The following FNDC3B variants were observed in gnomAD, a reference collection of about 807,000 sequenced individuals.
FNDC3B encodes fibronectin type III domain-containing protein 3B.
FNDC3B carries 12 observed loss-of-function variants against 151.5 expected under a neutral mutation model. That is an observed-to-expected ratio of 0.08 (90% confidence interval 0.05 to 0.13). The LOEUF (loss-of-function observed/expected upper bound fraction) is 0.13, where lower values mean the gene tolerates loss of function less well. Among genes scored for constraint, FNDC3B ranks in the 10% least tolerant of loss-of-function variants. The pLI, the probability that FNDC3B is intolerant of heterozygous loss-of-function variation, is 1.00. For synonymous variants in FNDC3B, 528 were observed against 549.0 expected (o/e 0.96, Z 0.54); for missense variants, 1,214 against 1,505.3 (o/e 0.81, Z 3.20).
chr3:172,300,361 A>G (rs1730843767), intron 9 of FNDC3B, among the ~76,000 whole-genome samples: 1 of 152,234 alleles, frequency 6.6e-6, no homozygotes, highest in Admixed American at 6.5e-5. Flanking sequence ...GGTTTACTTT[A>G]TTAATTTCCT....
intron 7 of FNDC3B, among the ~76,000 whole-genome samples, chr3:172,293,692 G>A (rs1730454096): frequency 6.6e-6 from 1 of 152,130 alleles, no homozygotes; most frequent in African/African-American, 2.4e-5. Context: ...CGGTCTTTAA[G>A]GATGAGCAGG....
chr3:172,373,151 G>A (rs922398493), intron 23 of FNDC3B, among the ~76,000 whole-genome samples: 16 of 152,178 alleles, frequency 1.1e-4, no homozygotes, highest in African/African-American at 3.1e-4. Context: ...AGCCCCACTC[G>A]CTGTTAGAAA....
At chr3:172,211,093 T>C (rs987871638) in intron 3 of FNDC3B, among the ~76,000 whole-genome samples, 2 of 152,226 alleles carry the variant, frequency 1.3e-5, no homozygotes, top group South Asian at 4.1e-4. Flanking sequence ...TATGACAATA[T>C]ACACACACTG....
chr3:172,048,472 A>C (rs1716473529), intron 1 of FNDC3B, among the ~76,000 whole-genome samples: 1 of 152,206 alleles, frequency 6.6e-6, no homozygotes, highest in African/African-American at 2.4e-5. Context: ...ATACTTAAAT[A>C]TATTGAGCTG....
At chr3:172,064,096 A>AT (rs1717364423) in intron 1 of FNDC3B, among the ~76,000 whole-genome samples, 1 of 152,152 alleles carries the variant, frequency 6.6e-6, no homozygotes, top group Non-Finnish European at 1.5e-5. Context: ...CAGTGAGTGA[A>AT]TAACCCCTGC....
intron 23 of FNDC3B, among the ~76,000 whole-genome samples, chr3:172,368,904 A>G (rs1734757076): frequency 6.6e-6 from 1 of 152,208 alleles, no homozygotes; most frequent in Admixed American, 6.5e-5. Context: ...CCAGCTACTC[A>G]GGAGCCTGAG....
chr3:172,106,359 T>C (rs1190497927), intron 1 of FNDC3B, among the ~76,000 whole-genome samples: 4 of 152,162 alleles, frequency 2.6e-5, no homozygotes, highest in Non-Finnish European at 5.9e-5. Context: ...GAGGTCTCAT[T>C]AGGGTGCTGG....
At chr3:172,300,817 T>C (rs887864652) in intron 9 of FNDC3B, among the ~76,000 whole-genome samples, 10 of 152,218 alleles carry the variant, frequency 6.6e-5, no homozygotes, top group African/African-American at 1.2e-4. Context: ...TTTTTTAACA[T>C]CCTTTCTCTC....
intron 1 of FNDC3B, among the ~76,000 whole-genome samples, chr3:172,072,610 C>T (rs889522351): frequency 2.6e-5 from 4 of 152,128 alleles, no homozygotes; most frequent in East Asian, 1.9e-4. Flanking sequence ...TTGACATTCC[C>T]GCATGATTTT....
chr3:172,274,322 A>G (rs1344053980), intron 6 of FNDC3B, among the ~76,000 whole-genome samples: 1 of 152,174 alleles, frequency 6.6e-6, no homozygotes, highest in Admixed American at 6.5e-5. Flanking sequence ...TCCAGCGGAT[A>G]GATTTGTTTA....
intron 1 of FNDC3B, among the ~76,000 whole-genome samples, chr3:172,084,768 C>A (rs1718466157): frequency 6.6e-6 from 1 of 152,192 alleles, no homozygotes; most frequent in Non-Finnish European, 1.5e-5. Context: ...ATAAAACTTT[C>A]ATAAAGTAGG....
chr3:172,356,067 T>C (rs1300061240), intron 22 of FNDC3B, among the ~76,000 whole-genome samples: 2 of 152,200 alleles, frequency 1.3e-5, no homozygotes, highest in African/African-American at 4.8e-5. Context: ...CTCCTTTTGC[T>C]AAGTAAAAAA....
At chr3:172,307,527 C>A in intron 10 of FNDC3B, 26 bp downstream of exon 10, 1 of 1,613,014 alleles carries the variant, frequency 6.2e-7, no homozygotes, top group Non-Finnish European at 8.5e-7. Flanking sequence ...CATCAAGAAT[C>A]GTCTCAATTT....
At chr3:172,151,010 T>C (rs978666757) in intron 3 of FNDC3B, among the ~76,000 whole-genome samples, 1 of 152,258 alleles carries the variant, frequency 6.6e-6, no homozygotes. Flanking sequence ...GATAGCTTTC[T>C]ATTCAATCTC....
intron 3 of FNDC3B, among the ~76,000 whole-genome samples, chr3:172,159,293 A>G (rs1722654954): frequency 6.6e-6 from 1 of 152,100 alleles, no homozygotes; most frequent in Non-Finnish European, 1.5e-5. Context: ...AAAGAAAATT[A>G]TTTGGGTATA....
chr3:172,300,613 CGTG>C (rs1184734969), intron 9 of FNDC3B, among the ~76,000 whole-genome samples: 1 of 152,110 alleles, frequency 6.6e-6, no homozygotes, highest in Non-Finnish European at 1.5e-5. Flanking sequence ...GGGAGCATGA[CGTG>C]GTTACCATCT....
At chr3:172,209,626 G>A (rs975105933) in intron 3 of FNDC3B, among the ~76,000 whole-genome samples, 4 of 152,202 alleles carry the variant, frequency 2.6e-5, no homozygotes, top group East Asian at 1.9e-4. Flanking sequence ...TATCCGAAAG[G>A]CATCAAGGAA....
chr3:172,133,570 T>C (rs777791357), intron 3 of FNDC3B, 24 bp downstream of exon 3: 2 of 1,530,550 alleles, frequency 1.3e-6, no homozygotes, highest in Admixed American at 3.4e-5. Flanking sequence ...TGGTAAATAT[T>C]CTAATCAAAG....
intron 11 of FNDC3B, among the ~76,000 whole-genome samples, chr3:172,322,736 AGAG>A (rs1732151675): frequency 6.7e-6 from 1 of 149,894 alleles, no homozygotes; most frequent in African/African-American, 2.6e-5. Flanking sequence ...GGAGACAGGG[AGAG>A]TGGGGGCAAA....
Sources: allele counts gnomAD v4.1 joint callset (sites outside exome capture counted in the v4.1 genomes callset), GRCh38; gene constraint gnomAD v4.1.1; transcripts MANE v1.5; gene names NCBI Gene and HGNC (gene_info 2026-07-23, HGNC 2026-07-21).